Variants in CMTM4 observed in about 807,000 individuals in gnomAD.
The protein encoded by CMTM4 is CKLF like MARVEL transmembrane domain containing 4, also known as CKLF-like MARVEL transmembrane domain-containing protein 4.
A neutral mutation model predicts 19.0 loss-of-function variants in CMTM4; 8 were observed. The ratio of observed to expected loss-of-function variants is 0.42; its 90% confidence interval spans 0.25 to 0.76. The LOEUF (loss-of-function observed/expected upper bound fraction) is 0.76, where lower values mean the gene tolerates loss of function less well. CMTM4 is among the 30% of genes least tolerant of loss of function. The pLI, the probability that CMTM4 is intolerant of heterozygous loss-of-function variation, is 0.27. For synonymous variants in CMTM4, 106 were observed against 121.1 expected (o/e 0.88, Z 0.82); for missense variants, 228 against 290.2 (o/e 0.79, Z 1.56).
At chr16:66,679,298 T>C (rs1244128528) in intron 1 of CMTM4, among the ~76,000 whole-genome samples, 2 of 152,040 alleles carry the variant, frequency 1.3e-5, no homozygotes, top group Non-Finnish European at 2.9e-5. Flanking sequence ...CCCCGCTCCA[T>C]GGGAAAAGAT....
At chr16:66,687,498 A>AAAAAT (rs757590415) in intron 1 of CMTM4, among the ~76,000 whole-genome samples, 59 of 152,066 alleles carry the variant, frequency 3.9e-4, no homozygotes, top group Admixed American at 8.5e-4. Context: ...AGACCGTCTC[A>AAAAAT]AAAATAAAAT....
In CMTM4 at chr16:66,622,031, G is replaced by A. The variant is rs781150030; in HGVS notation, c.*27C>T. 3.2e-5 allele frequency: 49 copies of A among 1,545,124 alleles called. No individual in the cohort carries two copies. The South Asian group carries it at 4.1e-4, about 13-fold the overall frequency. On this transcript the variant is annotated 3_prime_UTR_variant, in exon 4 of 4. Coordinates refer to ENST00000394106, the MANE Select transcript of CMTM4 (RefSeq NM_181521.3). The surrounding 1 kb of genome is among the most constrained non-coding windows in gnomAD (Gnocchi z 4.0). ...TTGACTGAGAGACAGGCACGAGGAC[G>A]GGAGGGAGGAGGATCCAGGCAGGTC...
At chr16:66,653,012 T>C (rs898373219) in intron 1 of CMTM4, among the ~76,000 whole-genome samples, 2 of 152,216 alleles carry the variant, frequency 1.3e-5, no homozygotes, top group Non-Finnish European at 2.9e-5. Context: ...GCTGTTTAAC[T>C]ACACTGCTGC....
At chr16:66,604,915 T>C in the CMTM4 span, 1 of 1,490,312 alleles carries the variant, frequency 6.7e-7, no homozygotes, top group South Asian at 1.3e-5. Flanking sequence ...CGGGCTTTCC[T>C]CTGCTCTCTC....
chr16:66,629,328 C>T (rs2015804542), intron 2 of CMTM4, among the ~76,000 whole-genome samples: 1 of 152,122 alleles, frequency 6.6e-6, no homozygotes, highest in Admixed American at 6.5e-5. Context: ...TGAATGGCCC[C>T]AGGATCAAAG....
chr16:66,599,522 C>T, the CMTM4 span, among the ~76,000 whole-genome samples: 6 of 151,766 alleles, frequency 4.0e-5, no homozygotes, highest in African/African-American at 1.2e-4. Context: ...AGGTCTCACT[C>T]GCTCACTTTA....
intron 2 of CMTM4, among the ~76,000 whole-genome samples, chr16:66,629,157 A>G (rs1040948425): frequency 2.6e-5 from 4 of 152,206 alleles, no homozygotes; most frequent in African/African-American, 7.2e-5. Context: ...ACTGATCACA[A>G]ATGAAATATT....
downstream of CMTM4, chr16:66,612,493 G>T: frequency 9.7e-7 from 1 of 1,031,790 alleles, no homozygotes; most frequent in Non-Finnish European, 1.5e-6. This position sits in a 1 kb window ranked among gnomAD's most constrained non-coding sequence, Gnocchi z 6.0. Context: ...AGAGTCAGCT[G>T]CAGGAGGCCT....
chr16:66,656,489 G>A (rs750151735), intron 1 of CMTM4, among the ~76,000 whole-genome samples: 7 of 152,032 alleles, frequency 4.6e-5, no homozygotes, highest in Non-Finnish European at 1.0e-4. Flanking sequence ...TCAGCCTCCC[G>A]AGTAGCTGGG....
downstream of CMTM4, chr16:66,612,641 C>A: frequency 6.2e-7 from 1 of 1,613,934 alleles, no homozygotes; most frequent in Non-Finnish European, 8.5e-7. The surrounding 1 kb of genome is among the most constrained non-coding windows in gnomAD (Gnocchi z 6.0). Flanking sequence ...TGACTGAAGG[C>A]CTGGCGGGTG....
chr16:66,671,153 C>T (rs765874309), intron 1 of CMTM4, among the ~76,000 whole-genome samples: 5 of 152,140 alleles, frequency 3.3e-5, no homozygotes, highest in East Asian at 1.9e-4. Flanking sequence ...AGCTCCTTGA[C>T]GTAAAGCAGC....
intron 1 of CMTM4, among the ~76,000 whole-genome samples, chr16:66,686,985 GTCTGTCAT>G (rs1406227717): frequency 2.0e-5 from 3 of 152,088 alleles, no homozygotes; most frequent in Non-Finnish European, 2.9e-5. Context: ...TTTCATTTGA[GTCTGTCAT>G]AATACGATGA....
chr16:66,630,627 C>G (rs947117848), intron 2 of CMTM4, among the ~76,000 whole-genome samples: 3 of 151,834 alleles, frequency 2.0e-5, no homozygotes, highest in South Asian at 2.1e-4. Context: ...GACGGAGTCT[C>G]GTTCACTCAG....
chr16:66,649,314 A>G (rs961041612), intron 1 of CMTM4, among the ~76,000 whole-genome samples: 2 of 152,184 alleles, frequency 1.3e-5, no homozygotes, highest in African/African-American at 4.8e-5. Context: ...GGCAAGTACC[A>G]TCCCTTTATT....
intron 1 of CMTM4, among the ~76,000 whole-genome samples, chr16:66,678,025 G>A (rs2016838556): frequency 6.6e-6 from 1 of 151,992 alleles, no homozygotes; most frequent in South Asian, 2.1e-4. Flanking sequence ...GAAGAAAAGT[G>A]ACCAGGGTCA....
At chr16:66,655,053 T>G (rs1259815804) in intron 1 of CMTM4, among the ~76,000 whole-genome samples, 1 of 152,116 alleles carries the variant, frequency 6.6e-6, no homozygotes, top group Non-Finnish European at 1.5e-5. Flanking sequence ...TAGAGTGTTG[T>G]GCTCACTACA....
the CMTM4 span, chr16:66,604,656 G>T: frequency 1.8e-6 from 1 of 552,548 alleles, no homozygotes; most frequent in Non-Finnish European, 2.6e-6. Flanking sequence ...AGGAGCGGGT[G>T]GGGGCGGGGC....
Position 66,620,384 on chromosome 16 carries a change from G to A in CMTM4, c.*1674C>T, listed in dbSNP as rs575739042. 35 of 985,498 alleles carry A rather than the reference G, an allele frequency of 3.6e-5. No individual in the cohort carries two copies. The highest frequency in any genetic ancestry group is 1.0e-4 in the African/African-American group (6 of 57,374). 61.0% of individuals were successfully genotyped at this position (985,498 alleles called of 1,614,324 possible). Reference sequence around the variant, plus strand: ...AGCAGGGTCAGCCCCTGAGGCAGACGTGGTGCTCAGCCACATAGCCTGGGA... The same window carrying A: ...AGCAGGGTCAGCCCCTGAGGCAGACATGGTGCTCAGCCACATAGCCTGGGA... On this transcript the variant is annotated 3_prime_UTR_variant, in exon 4 of 4. Coordinates refer to ENST00000394106, the MANE Select transcript of CMTM4 (RefSeq NM_181521.3).
chr16:66,608,255 C>T, the CMTM4 span: 1 of 1,600,958 alleles, frequency 6.2e-7, no homozygotes, highest in Non-Finnish European at 8.5e-7. This position sits in a 1 kb window ranked among gnomAD's most constrained non-coding sequence, Gnocchi z 5.1. Flanking sequence ...CAGAGGAGCA[C>T]TGGACAAGGA....
Sources: allele counts gnomAD v4.1 joint callset (sites outside exome capture counted in the v4.1 genomes callset), GRCh38; gene constraint gnomAD v4.1.1; non-coding constraint Gnocchi (gnomAD v3.1); transcripts MANE v1.5; gene names NCBI Gene and HGNC (gene_info 2026-07-23, HGNC 2026-07-21).